Variants in CRISP1 observed in about 807,000 individuals in gnomAD.
The protein encoded by CRISP1 is cysteine rich secretory protein 1.
Under a neutral mutation model 33.1 loss-of-function variants are expected in CRISP1, and 44 were observed. That is an observed-to-expected ratio of 1.33 (90% CI 1.05 to 1.71). The LOEUF is 1.71. Among genes scored for constraint, CRISP1 ranks in the 40% most tolerant of loss-of-function variants. CRISP1 has a pLI of 0.00. For missense variants in CRISP1, 390 were observed against 301.2 expected, an observed-to-expected ratio of 1.29 and a Z score of -2.18; for synonymous variants, 103 against 98.7, an observed-to-expected ratio of 1.04 and a Z score of -0.26.
At chr6:49,850,874 C>T (rs1285534305) in intron 3 of CRISP1, among the ~76,000 whole-genome samples, 2 of 152,110 alleles carry the variant, frequency 1.3e-5, no homozygotes, top group East Asian at 3.9e-4. Context: ...TTGGACTCTA[C>T]TTCTCCAGCT....
At chr6:49,839,273 A>C (rs1320129312) in intron 6 of CRISP1, among the ~76,000 whole-genome samples, 108 of 3,012 alleles carry the variant, frequency 0.036, no homozygotes, top group African/African-American at 0.1. Context: ...TCATATCTAC[A>C]AAAAAAAAAA....
chr6:49,854,322 C>T (rs1771433942), intron 2 of CRISP1, among the ~76,000 whole-genome samples: 1 of 152,198 alleles, frequency 6.6e-6, no homozygotes, highest in Non-Finnish European at 1.5e-5. Flanking sequence ...CTGTCAGCCA[C>T]TCTTTCTTTT....
chr6:49,844,984 T>A (rs1771112610), intron 5 of CRISP1, among the ~76,000 whole-genome samples: 1 of 152,088 alleles, frequency 6.6e-6, no homozygotes, highest in Non-Finnish European at 1.5e-5. Context: ...AAATTAAGAA[T>A]TTGAGGGCTC....
intron 5 of CRISP1, among the ~76,000 whole-genome samples, chr6:49,844,432 A>G (rs1771092122): frequency 6.6e-6 from 1 of 152,182 alleles, no homozygotes. Context: ...TTCAGAGATC[A>G]TGAGGGCTCC....
rs60021006 is a variant in CRISP1, at chr6:49,839,272, CAAAAAAAAAAAAAAA to C, written c.534-762_534-748del. Among the ~76,000 whole-genome samples the C allele has an allele frequency of 1.8e-4, 10 of 54,880 alleles. No homozygotes were observed. The South Asian group carries it at 9.0e-3, about 49-fold the overall frequency. The allele number at this position is 54,880 out of a possible 152,430, so 36.0% of individuals were successfully genotyped here. On this transcript the variant is annotated intron_variant, in intron 6 of 7. Transcript: ENST00000335847. ...CAAAAAAAAAGCATCTTCATATCTA[CAAAAAAAAAAAAAAA>C]AAAAAAAAAAAAAATTAGTTAGGCC...
upstream of CRISP1, among the ~76,000 whole-genome samples, chr6:49,870,714 C>T (rs534980873): frequency 6.6e-6 from 1 of 152,246 alleles, no homozygotes; most frequent in South Asian, 2.1e-4. Context: ...TAACAACATC[C>T]TTGAGTTATG....
intron 5 of CRISP1, among the ~76,000 whole-genome samples, chr6:49,843,769 G>A (rs376740826): frequency 1.3e-5 from 2 of 152,168 alleles, no homozygotes; most frequent in South Asian, 2.1e-4. Flanking sequence ...TATAAAAAGT[G>A]TAGATTGCCT....
chr6:49,853,547 T>A (rs1440074558), intron 2 of CRISP1, among the ~76,000 whole-genome samples: 1 of 152,128 alleles, frequency 6.6e-6, no homozygotes, highest in African/African-American at 2.4e-5. Context: ...ACCTACTATA[T>A]CTCATGATCA....
rs373242726 is a variant in CRISP1, at chr6:49,835,295, A to G, written c.*21T>C. ...CTCCTCCTCATCGTCACAGCATAGA[A>G]CAGTTGAAAATAACAAAGACCTATT... is the stretch of plus-strand genomic sequence containing the variant. On this transcript the variant is annotated 3_prime_UTR_variant, in exon 8 of 8. Coordinates refer to ENST00000335847, the MANE Select transcript of CRISP1 (RefSeq NM_001131.3). 1.9e-6 allele frequency: 3 copies of G among 1,612,784 alleles called. No homozygotes were observed. The highest frequency in any genetic ancestry group is 2.5e-6 in the Non-Finnish European group (3 of 1,179,326).
chr6:49,844,909 C>T lies in CRISP1; in HGVS notation c.435+1611G>A, dbSNP rs1427786904. Among the ~76,000 whole-genome samples the T allele has an allele frequency of 3.3e-5, 5 of 152,090 alleles. No individual in the cohort carries two copies. In the East Asian group the frequency reaches 7.7e-4, roughly 23 times the overall value. ...CCTCTGGATGAATCACATCTTGAAT[C>T]TCATGCATTTAGATAATATTTAGGT... On this transcript the variant is annotated intron_variant, in intron 5 of 7. Coordinates refer to ENST00000335847, the MANE Select transcript of CRISP1 (RefSeq NM_001131.3).
intron 4 of CRISP1, 51 bp downstream of exon 4, chr6:49,848,158 C>CTG (rs148402737): frequency 0.084 from 77,853 of 929,396 alleles, 1,902 homozygotes; most frequent in Non-Finnish European, 0.1. Flanking sequence ...CCCTGTTTTA[C>CTG]TATTTTTTTT....
At chr6:49,859,624 G>A (rs1034898595) in intron 1 of CRISP1, among the ~76,000 whole-genome samples, 5 of 151,954 alleles carry the variant, frequency 3.3e-5, no homozygotes, top group African/African-American at 1.2e-4. Context: ...CCCACTGGTA[G>A]AGCAAACACA....
At chr6:49,852,312 C>G (rs1025127981) in intron 2 of CRISP1, among the ~76,000 whole-genome samples, 183 bp from the exon 3 acceptor site, 1 of 152,108 alleles carries the variant, frequency 6.6e-6, no homozygotes, top group Admixed American at 6.6e-5. Flanking sequence ...TTGAGGATTT[C>G]TCAACGTCAG....
intron 1 of CRISP1, among the ~76,000 whole-genome samples, chr6:49,874,388 C>T (rs1030025866): frequency 4.6e-5 from 7 of 152,058 alleles, no homozygotes; most frequent in African/African-American, 1.7e-4. Flanking sequence ...CCTTCATGTT[C>T]TTCCAGAGAA....
chr6:49,846,258 TC>T (rs1771163653), intron 5 of CRISP1, among the ~76,000 whole-genome samples: 1 of 152,148 alleles, frequency 6.6e-6, no homozygotes, highest in Non-Finnish European at 1.5e-5. Flanking sequence ...ACTACCAATA[TC>T]AAATGAGATT....
At chr6:49,852,602 A>G (rs1476051330) in intron 2 of CRISP1, among the ~76,000 whole-genome samples, 1 of 152,148 alleles carries the variant, frequency 6.6e-6, no homozygotes, top group Admixed American at 6.6e-5. Context: ...GAGATTCATT[A>G]TTGAGGACAA....
chr6:49,877,018 T>A (rs1772051457), exon 1 of CRISP1: 1 of 151,892 alleles, frequency 6.6e-6, no homozygotes, highest in Non-Finnish European at 1.5e-5. Flanking sequence ...CCTGCACATG[T>A]ACCATTGAAG....
At chr6:49,835,571 A>AAT in intron 7 of CRISP1, 128 bp from the exon 8 acceptor site, 3 of 849,176 alleles carry the variant, frequency 3.5e-6, no homozygotes, top group South Asian at 1.9e-5. Context: ...TTTAATTAGC[A>AAT]TAAGCTAACT....
At chr6:49,874,063 T>C (rs548761677) in intron 1 of CRISP1, among the ~76,000 whole-genome samples, 2 of 152,168 alleles carry the variant, frequency 1.3e-5, no homozygotes, top group African/African-American at 4.8e-5. Flanking sequence ...TGAATTAATA[T>C]ACCATGTTGA....
Sources: allele counts gnomAD v4.1 joint callset (sites outside exome capture counted in the v4.1 genomes callset), GRCh38; gene constraint gnomAD v4.1.1; transcripts MANE v1.5; gene names NCBI Gene and HGNC (gene_info 2026-07-23, HGNC 2026-07-21).